NBPF12: variants seen among roughly 807,000 people sequenced by gnomAD.
The protein encoded by NBPF12 is NBPF family member NBPF12.
In NBPF12, 115 loss-of-function variants were observed where a neutral mutation model predicts 146.4. The ratio of observed to expected loss-of-function variants is 0.79; its 90% CI spans 0.68 to 0.92. The LOEUF is 0.92. Among genes scored for constraint, NBPF12 ranks in the 40% least tolerant of loss-of-function variants. The pLI, the probability that NBPF12 is intolerant of heterozygous loss-of-function variation, is 0.00. For missense variants in NBPF12, 1,205 were observed against 1,326.8 expected (o/e 0.91, Z 1.43); for synonymous variants, 385 against 508.9 (o/e 0.76, Z 3.28).
chr1:146,957,394 GC>G, intron 2 of NBPF12: 2 of 182,056 alleles, frequency 1.1e-5, no homozygotes, highest in Non-Finnish European at 2.4e-5. Context: ...GAAGGTGGGG[GC>G]TCCACTGATG....
At chr1:146,947,925 A>AT (rs1202320274), upstream of NBPF12, among the ~76,000 whole-genome samples, 6 of 151,982 alleles carry the variant, frequency 3.9e-5, no homozygotes, top group Admixed American at 3.9e-4. Context: ...AAGAAAAGGA[A>AT]TTTTTTAAAA....
intron 4 of NBPF12, among the ~76,000 whole-genome samples, chr1:146,961,202 C>G (rs1279626463): frequency 2.6e-5 from 4 of 151,332 alleles, no homozygotes; most frequent in East Asian, 1.9e-4. Flanking sequence ...GCAGAGAGTA[C>G]CTTGGTGAGA....
At chr1:146,981,652 C>T (rs1426230109) in intron 19 of NBPF12, among the ~76,000 whole-genome samples, 3 of 151,866 alleles carry the variant, frequency 2.0e-5, no homozygotes, top group African/African-American at 7.3e-5. Flanking sequence ...AGAATGTTTC[C>T]CAGCTTGGTT....
At chr1:146,966,871 C>A (rs1302162127) in intron 9 of NBPF12, among the ~76,000 whole-genome samples, 198 bp downstream of exon 12, 1 of 149,208 alleles carries the variant, frequency 6.7e-6, no homozygotes, top group Non-Finnish European at 1.5e-5. Context: ...TGTTTGCAAT[C>A]AGGTGGGGGT....
At position 146,992,183 on chromosome 1, in the gene NBPF12, G is replaced by A. The variant is rs1658209331; in HGVS notation, c.3848+137G>A. 6 of 553,406 alleles carry A rather than the reference G, an allele frequency of 1.1e-5. 1 individual carries two copies. In the East Asian group the frequency reaches 1.9e-4, roughly 18 times the overall value. The allele number at this position is 553,406 out of a possible 1,614,324, so 34.3% of individuals were successfully genotyped here. ...ATTATTCCTACTAACATTGCTGTTG[G>A]TTTTCATTGCAGTAGATACTTAGGT... is the stretch of plus-strand genomic sequence containing the variant. On this transcript the variant is annotated intron_variant, in intron 31 of 33. Coordinates refer to ENST00000617844, the Ensembl canonical transcript of NBPF12.
intron 4 of NBPF12, among the ~76,000 whole-genome samples, chr1:146,960,559 C>G (rs1199002383): frequency 2.0e-5 from 3 of 152,024 alleles, no homozygotes; most frequent in Non-Finnish European, 4.4e-5. Context: ...TTACTGATTT[C>G]TGACACAGGC....
At chr1:146,981,525 A>T (rs1196731161) in intron 19 of NBPF12, among the ~76,000 whole-genome samples, 1 of 150,988 alleles carries the variant, frequency 6.6e-6, no homozygotes, top group Admixed American at 6.6e-5. Context: ...TCTGACAATT[A>T]TGTGTCCCGG....
In NBPF12 at chr1:146,962,332, G is replaced by A. The variant is rs1448401393; in HGVS notation, c.278+69G>A. ...ATCTCTGAAGTACAGCAGCTCGGCG[G>A]GGAGAAGTAAGAACGAAGCTGGGCC... On this transcript the variant is annotated intron_variant, in intron 5 of 33. Coordinates refer to ENST00000617844, the Ensembl canonical transcript of NBPF12. 383 of 1,318,120 alleles carry A rather than the reference G, an allele frequency of 2.9e-4. 7 individuals are homozygous for A. The African/African-American group carries it at 5.2e-3, about 18-fold the overall frequency. 81.7% of individuals were successfully genotyped at this position (1,318,120 alleles called of 1,614,324 possible).
chr1:146,989,707 T>C, exon 28 of NBPF12: 1 of 1,610,970 alleles, frequency 6.2e-7, no homozygotes, highest in Non-Finnish European at 8.5e-7. Flanking sequence ...CTTTTACGTA[T>C]TGGAGCAACA....
chr1:146,984,209 G>C (rs1657563643), intron 21 of NBPF12, 24 bp downstream of exon 24: 4 of 772,812 alleles, frequency 5.2e-6, no homozygotes, highest in South Asian at 2.8e-5. Context: ...ATTGTGGACA[G>C]TTAATTTGAT....
upstream of NBPF12, among the ~76,000 whole-genome samples, chr1:146,938,383 G>A (rs1355262596): frequency 2.0e-4 from 31 of 152,098 alleles, no homozygotes; most frequent in African/African-American, 7.3e-4. Context: ...AGGCGGGGTC[G>A]CTCCAGGCTT....
At chr1:146,938,919 C>A (rs1240529495) in exon 1 of NBPF12, 2 of 152,100 alleles carry the variant, frequency 1.3e-5, no homozygotes, top group African/African-American at 4.8e-5. Context: ...CGAGGTACGG[C>A]GGCACGGCTG....
chr1:146,969,630 C>G (rs1352413057), intron 11 of NBPF12, 34 bp downstream of exon 14: 3 of 1,602,152 alleles, frequency 1.9e-6, no homozygotes, highest in Non-Finnish European at 2.6e-6. Flanking sequence ...GACCCAAAAC[C>G]CCAGGCTTAT....
rs1450490306 is a variant in NBPF12, at chr1:146,992,462, C to CTCTCTCTCTGTG, written c.3849-249_3849-248insCTCTCTCTGTGT. ...TCTCTCTCTCTCTCTCTCTCTCTCT[C>CTCTCTCTCTGTG]TGTGTGTGTGTGTGTGTGTGTGTGT... is the stretch of plus-strand genomic sequence containing the variant. On this transcript the variant is annotated intron_variant, in intron 31 of 33. Coordinates refer to ENST00000617844, the Ensembl canonical transcript of NBPF12. 1.6e-3 allele frequency among the ~76,000 whole-genome samples: 103 copies of CTCTCTCTCTGTG among 66,276 alleles called. 1 individual carries two copies. The highest frequency in any genetic ancestry group is 7.1e-3 in the African/African-American group (99 of 13,942). 43.5% of individuals were successfully genotyped at this position (66,276 alleles called of 152,430 possible). A position where few individuals can be genotyped will look rare whatever the true frequency, so the allele number is the denominator to read the frequency against.
chr1:146,956,539 C>A (rs1655597956), intron 2 of NBPF12, among the ~76,000 whole-genome samples: 1 of 151,200 alleles, frequency 6.6e-6, no homozygotes, highest in African/African-American at 2.4e-5. Context: ...CTTAATTTCT[C>A]CATACTAGCA....
intron 6 of NBPF12, 66 bp from the exon 10 acceptor site, chr1:146,964,291 G>T (rs1553885228): frequency 1.3e-6 from 2 of 1,590,928 alleles, no homozygotes; most frequent in African/African-American, 1.4e-5. Context: ...CTCTGTGCAC[G>T]TTGGGCTGAC....
chr1:146,962,124 C>G (rs1256923413), intron 4 of NBPF12, 37 bp from the exon 8 acceptor site: 1 of 1,603,198 alleles, frequency 6.2e-7, no homozygotes, highest in Non-Finnish European at 8.5e-7. Flanking sequence ...GCATGTCCAG[C>G]CTTCCACTGA....
At chr1:146,994,568 C>T (rs1553890114) in exon 34 of NBPF12, 19 of 1,609,140 alleles carry the variant, frequency 1.2e-5, no homozygotes, top group Non-Finnish European at 1.5e-5. Flanking sequence ...GTCATATTCC[C>T]ACAATAAGCA....
intron 8 of NBPF12, 23 bp downstream of exon 11, chr1:146,965,127 C>T (rs1446238799): frequency 7.8e-7 from 1 of 1,287,316 alleles, no homozygotes; most frequent in Middle Eastern, 1.9e-4. Context: ...TTCCTTGTGT[C>T]TCATACCTCT....
Sources: gnomAD v4.1 joint callset for allele counts (sites outside exome capture counted in the v4.1 genomes callset) on GRCh38, gnomAD v4.1.1 for gene constraint, MANE v1.5 for transcripts, NCBI Gene and HGNC (gene_info 2026-07-23, HGNC 2026-07-21) for gene names.